Variants in NUP37 observed in about 807,000 individuals in gnomAD.
NUP37 encodes the protein nucleoporin 37.
Under a neutral mutation model 45.4 loss-of-function variants are expected in NUP37, and 33 were observed. That is an observed-to-expected ratio of 0.73 (90% CI 0.55 to 0.97). The LOEUF is 0.97. Ranked by LOEUF, NUP37 falls within the 50% of genes least tolerant of loss-of-function variation. NUP37 has a pLI of 0.00. For synonymous variants in NUP37, 127 were observed against 130.7 expected (o/e 0.97, Z 0.19); for missense variants, 365 against 389.7 (o/e 0.94, Z 0.53).
At chr12:102,102,929 GCTCT>G (rs1880016605) in intron 3 of NUP37, among the ~76,000 whole-genome samples, 1 of 151,942 alleles carries the variant, frequency 6.6e-6, no homozygotes, top group African/African-American at 2.4e-5. Flanking sequence ...TTATTTCTGG[GCTCT>G]CTATCTTATT....
chr12:102,107,351 T>C (rs886863831), intron 3 of NUP37, among the ~76,000 whole-genome samples: 3 of 152,212 alleles, frequency 2.0e-5, no homozygotes, highest in African/African-American at 7.2e-5. Context: ...ATCCCCTGTC[T>C]AGGCTAGTCA....
chr12:102,113,134 A>G (rs983514222), intron 2 of NUP37, among the ~76,000 whole-genome samples: 3 of 152,224 alleles, frequency 2.0e-5, no homozygotes, highest in Admixed American at 6.5e-5. Flanking sequence ...ATTCAAATAC[A>G]GACAAGCAAA....
intron 3 of NUP37, among the ~76,000 whole-genome samples, chr12:102,104,939 T>A (rs1377682709): frequency 6.6e-6 from 1 of 152,210 alleles, no homozygotes; most frequent in African/African-American, 2.4e-5. Flanking sequence ...TGAGGTTCCA[T>A]CTGAATTTTA....
chr12:102,076,679 T>C lies in NUP37; in HGVS notation c.773+118A>G, dbSNP rs375880991. On this transcript the variant is annotated intron_variant, in intron 8 of 9. Coordinates refer to ENST00000552283, the MANE Select transcript of NUP37 (RefSeq NM_024057.4). The stretch of plus-strand genomic sequence containing the variant: ...GTCGGGAAAGTAAAATAACCACTTA[T>C]AAAACAATAAGGGAAAAAAAAAATC... The C allele has an allele frequency of 1.7e-4, 129 of 748,440 alleles. 2 individuals are homozygous for C. Among genetic ancestry groups the C allele is most frequent in the South Asian group, 1.6e-3 (86 of 55,118 alleles). The allele number at this position is 748,440 out of a possible 1,614,324, so 46.4% of individuals were successfully genotyped here. A position where few individuals can be genotyped will look rare whatever the true frequency, so the allele number is the denominator to read the frequency against.
At chr12:102,082,509 A>T (rs1157369812) in intron 6 of NUP37, among the ~76,000 whole-genome samples, 9 of 152,238 alleles carry the variant, frequency 5.9e-5, no homozygotes, top group Admixed American at 4.6e-4. Flanking sequence ...CTGAGTGCTT[A>T]CTATGTGCTT....
intron 5 of NUP37, among the ~76,000 whole-genome samples, chr12:102,095,486 A>C (rs1352328246): frequency 2.0e-5 from 3 of 152,102 alleles, no homozygotes; most frequent in Non-Finnish European, 4.4e-5. Flanking sequence ...CATATGGTAG[A>C]CATGATGAGG....
At position 102,074,251 on chromosome 12, in the gene NUP37, C is replaced by A. The variant is rs902569884; in HGVS notation, c.*103G>T. On this transcript the variant is annotated 3_prime_UTR_variant, in exon 10 of 10. Coordinates refer to ENST00000552283, the MANE Select transcript of NUP37 (RefSeq NM_024057.4). ...CAACTGAGACATTTTCTAAAGTATA[C>A]GGTATATTTGATATAAAAATTCTTC... 2.2e-5 allele frequency: 13 copies of A among 599,994 alleles called. No homozygotes were observed. The South Asian group carries it at 3.2e-4, about 15-fold the overall frequency. 37.2% of individuals were successfully genotyped at this position (599,994 alleles called of 1,614,324 possible). A position where few individuals can be genotyped will look rare whatever the true frequency, so the allele number is the denominator to read the frequency against.
intron 2 of NUP37, 85 bp downstream of exon 2, chr12:102,118,278 C>A: frequency 2.4e-6 from 3 of 1,246,126 alleles, no homozygotes; most frequent in Non-Finnish European, 3.3e-6. Flanking sequence ...ACTCAATATA[C>A]TTTCAAAGTT....
rs1444342423 is a variant in NUP37 at position 102,074,401 on chromosome 12, C to T, written c.934G>A (p.Val312Ile). The T allele has an allele frequency of 6.2e-7, 1 of 1,613,200 alleles. No homozygotes were observed. Among genetic ancestry groups the T allele is most frequent in the Non-Finnish European group, 8.5e-7 (1 of 1,179,440 alleles). ...LSWHRTLPLC[V>I]IGGDHKLLFW... ...AACAGCTTGTGGTCTCCTCCAATTA[C>T]ACACAGAGGGAGAGTTCGATGCCAG... The change falls in exon 10 of 10, where the codon GTA becomes ATA. Residue 312 changes from valine to isoleucine, a missense_variant. By Grantham distance (29) the Val-to-Ile change is conservative (BLOSUM62 3). Coordinates refer to ENST00000552283, the MANE Select transcript of NUP37 (RefSeq NM_024057.4).
In NUP37 at chr12:102,099,110, A is replaced by G; in HGVS notation, c.445T>C (p.Cys149Arg). 1.2e-6 allele frequency: 2 copies of G among 1,601,492 alleles called. No individual in the cohort carries two copies. The highest frequency in any genetic ancestry group is 1.7e-6 in the Non-Finnish European group (2 of 1,168,434). Residue 149 changes from cysteine (C) to arginine (R), a missense_variant, in exon 5 of 10, where the codon TGC becomes CGC. Coordinates refer to ENST00000552283, the MANE Select transcript of NUP37 (RefSeq NM_024057.4). ...GTTATAACATAAGCAACATACCTGCAGGTGTGATCGTCACTCACACTTGCA... is the reference window on the plus strand; with the variant it reads ...GTTATAACATAAGCAACATACCTGCGGGTGTGATCGTCACTCACACTTGCA... ...EIASVSDDHT[C>R]RIWNLEGVQT...
At chr12:102,108,323 C>T (rs1880215476) in intron 3 of NUP37, among the ~76,000 whole-genome samples, 1 of 152,142 alleles carries the variant, frequency 6.6e-6, no homozygotes, top group African/African-American at 2.4e-5. Flanking sequence ...TGCTTCCTGC[C>T]ATTGAACATC....
chr12:102,085,693 T>A, intron 6 of NUP37, 73 bp downstream of exon 6: 1 of 659,690 alleles, frequency 1.5e-6, no homozygotes, highest in Admixed American at 3.2e-5. Flanking sequence ...ATCTTCCTCC[T>A]CTATGTATGT....
chr12:102,074,955 TTA>T, intron 9 of NUP37, 44 bp downstream of exon 9: 1 of 1,236,316 alleles, frequency 8.1e-7, no homozygotes, highest in African/African-American at 1.6e-5. Flanking sequence ...AAAACACAAA[TTA>T]AAAAAAAAAA....
At chr12:102,116,117 A>G (rs1359514570) in intron 2 of NUP37, among the ~76,000 whole-genome samples, 1 of 152,198 alleles carries the variant, frequency 6.6e-6, no homozygotes, top group Non-Finnish European at 1.5e-5. Flanking sequence ...ACCATAAACT[A>G]TAACAGAACA....
intron 4 of NUP37, among the ~76,000 whole-genome samples, 166 bp from the exon 5 acceptor site, chr12:102,099,366 T>C (rs886709883): frequency 4.6e-5 from 7 of 152,198 alleles, no homozygotes; most frequent in African/African-American, 1.7e-4. Flanking sequence ...ATACACCCAC[T>C]TTTCTAGAAG....
intron 5 of NUP37, among the ~76,000 whole-genome samples, chr12:102,087,971 C>T (rs1231573143): frequency 6.6e-6 from 1 of 152,080 alleles, no homozygotes; most frequent in African/African-American, 2.4e-5. Context: ...CAGAACCTGA[C>T]ATTTAAGAAA....
chr12:102,077,466 T>C lies in NUP37; in HGVS notation c.578A>G (p.Tyr193Cys), dbSNP rs376432062. 1.9e-6 allele frequency: 3 copies of C among 1,613,670 alleles called. No homozygotes were observed. The highest frequency in any genetic ancestry group is 1.7e-5 in the Admixed American group (1 of 60,010). Reference sequence around the variant, plus strand: ...AATAGCCTGTTGGGCCAAAAGATCATAAAACCGGATTGTTCCATTCTTCTC... The same window carrying C: ...AATAGCCTGTTGGGCCAAAAGATCACAAAACCGGATTGTTCCATTCTTCTC... ...VAEKNGTIRF[Y>C]DLLAQQAILS... Residue 193 changes from tyrosine to cysteine, a missense_variant, in exon 7 of 10, where the codon TAT becomes TGT. Transcript: ENST00000552283.
intron 1 of NUP37, chr12:102,119,040 TTAAC>T (rs1880600175): frequency 6.6e-6 from 1 of 152,396 alleles, no homozygotes; most frequent in Non-Finnish European, 1.5e-5. Context: ...CTTCAGTAGG[TTAAC>T]TAACTTGCCA....
At chr12:102,100,600 C>A (rs1879942598) in intron 4 of NUP37, among the ~76,000 whole-genome samples, 1 of 152,158 alleles carries the variant, frequency 6.6e-6, no homozygotes, top group African/African-American at 2.4e-5. Context: ...TAAGTAATAA[C>A]ACTGGAGTTT....
Sources: allele counts gnomAD v4.1 joint callset (sites outside exome capture counted in the v4.1 genomes callset), GRCh38; gene constraint gnomAD v4.1.1; transcripts MANE v1.5; gene names NCBI Gene and HGNC (gene_info 2026-07-23, HGNC 2026-07-21).